The following CENPF variants were observed in gnomAD, a reference collection of about 807,000 sequenced individuals.
CENPF encodes the protein AH antigen.
In CENPF, 214 loss-of-function variants were observed where a neutral mutation model predicts 307.3. That is an observed-to-expected ratio of 0.70 (90% CI 0.62 to 0.78). The LOEUF (loss-of-function observed/expected upper bound fraction) is 0.78, where lower values mean the gene tolerates loss of function less well. Ranked by LOEUF, CENPF falls within the 30% of genes least tolerant of loss-of-function variation. CENPF has a pLI of 0.00. For synonymous variants in CENPF, 1,259 were observed against 1,270.6 expected (o/e 0.99, Z 0.19); for missense variants, 3,401 against 3,483.9 (o/e 0.98, Z 0.60).
intron 1 of CENPF, 186 bp downstream of exon 1, chr1:214,603,507 G>A (rs1487977639): frequency 6.6e-6 from 1 of 152,268 alleles, no homozygotes; most frequent in Admixed American, 6.5e-5. Context: ...AATCCGCCCC[G>A]GGATGTGGTT....
chr1:214,653,144 T>A, intron 16 of CENPF, 155 bp downstream of exon 16: 6 of 713,988 alleles, frequency 8.4e-6, no homozygotes, highest in East Asian at 2.8e-5. Context: ...GAGTTATCTT[T>A]AAAAAAAATC....
chr1:214,609,215 T>C (rs1008614621), intron 1 of CENPF, among the ~76,000 whole-genome samples: 4 of 152,328 alleles, frequency 2.6e-5, no homozygotes, highest in Admixed American at 2.6e-4. Flanking sequence ...AAGAATCCGC[T>C]TTGAATCTCT....
chr1:214,614,332 G>A (rs1252914893), intron 2 of CENPF, among the ~76,000 whole-genome samples: 1 of 152,016 alleles, frequency 6.6e-6, no homozygotes, highest in East Asian at 1.9e-4. Flanking sequence ...AAATGGTTGT[G>A]GCTTTCTTAG....
rs762275795 is a variant in CENPF, at chr1:214,645,406, A to G, written c.5836A>G (p.Ile1946Val). Residue 1946 changes from isoleucine to valine, a missense_variant, in exon 13 of 20, where the codon ATT (isoleucine) becomes GTT (valine). Transcript: ENST00000366955. ...AGACAATGAAAATAAGCAGAAGGTT[A>G]TTGTCTGCCTTGAAGAAGAACTCTC... ...EKDNENKQKV[I>V]VCLEEELSVV... 2 of 1,613,950 alleles carry G rather than the reference A, an allele frequency of 1.2e-6. No homozygotes were observed. Among genetic ancestry groups the G allele is most frequent in the South Asian group, 1.1e-5 (1 of 91,042 alleles).
chr1:214,604,532 A>T (rs899880444), intron 1 of CENPF, among the ~76,000 whole-genome samples: 1 of 152,202 alleles, frequency 6.6e-6, no homozygotes, highest in African/African-American at 2.4e-5. Flanking sequence ...ATGGAAAAGC[A>T]TTCAGCTTGC....
intron 1 of CENPF, among the ~76,000 whole-genome samples, chr1:214,611,873 C>G (rs1657209965): frequency 6.6e-6 from 1 of 152,164 alleles, no homozygotes; most frequent in South Asian, 2.1e-4. Context: ...ACTGAAGGAG[C>G]TTTTGGGCCA....
chr1:214,608,855 G>T, intron 1 of CENPF: 4 of 1,532,698 alleles, frequency 2.6e-6, no homozygotes, highest in Non-Finnish European at 3.5e-6. Flanking sequence ...GGCGCCGCCC[G>T]GGCCAGGCCC....
At chr1:214,633,045 A>G (rs1194941796) in intron 10 of CENPF, among the ~76,000 whole-genome samples, 1 of 152,130 alleles carries the variant, frequency 6.6e-6, no homozygotes, top group African/African-American at 2.4e-5. Context: ...AAACACGTGG[A>G]AAGTCATAGA....
At chr1:214,620,540 G>A (rs762903625) in intron 5 of CENPF, 115 bp from the exon 6 acceptor site, 182 of 990,650 alleles carry the variant, frequency 1.8e-4, no homozygotes, top group Non-Finnish European at 2.6e-4. Context: ...TTCTTTGTTG[G>A]TATGCAGTGC....
chr1:214,629,100 C>A lies in CENPF; in HGVS notation c.1123C>A (p.Arg375=). The change falls in exon 8 of 20, where the codon CGA becomes AGA. Residue 375 remains arginine, a synonymous_variant. Transcript: ENST00000366955. ...ATTGACGGAAGATTTGAGTTGTCAG[C>A]GACAAAATGCAGAAAGTGCCAGATG... The part of the protein sequence containing the change: ...KKLTEDLSCQ[R]QNAESARCSL... 1 of 1,609,044 alleles carries A rather than the reference C, an allele frequency of 6.2e-7. No homozygotes were observed. Among genetic ancestry groups the A allele is most frequent in the Non-Finnish European group, 8.5e-7 (1 of 1,177,606 alleles).
rs115870166 is a variant in CENPF at position 214,621,252 on chromosome 1, G to A, written c.865+306G>A. On this transcript the variant is annotated intron_variant, in intron 6 of 19. Transcript: ENST00000366955. Reference sequence around the variant, plus strand: ...GTTGGTTACAGTTTACACTCCCCATGCTTCTCATCTGGCTCCTTTTGTGAC... The same window carrying A: ...GTTGGTTACAGTTTACACTCCCCATACTTCTCATCTGGCTCCTTTTGTGAC... 0.03 allele frequency among the ~76,000 whole-genome samples: 4,641 copies of A among 152,280 alleles called. 105 individuals carry two copies. The highest frequency in any genetic ancestry group is 0.088 in the Middle Eastern group (26 of 294).
intron 1 of CENPF, among the ~76,000 whole-genome samples, chr1:214,612,547 A>G (rs969502522): frequency 1.3e-5 from 2 of 152,126 alleles, no homozygotes; most frequent in Non-Finnish European, 2.9e-5. Flanking sequence ...CAGACAAAGT[A>G]CCCTGTACAC....
rs760140051 is a variant in CENPF at position 214,663,724 on chromosome 1, G to A, written c.9275G>A (p.Arg3092Gln). Reference sequence around the variant, plus strand: ...CCCAGAGAGGGCCTGAGGGTCAAGCGAGGCCGACTTGTCCCCAGCCCCAAA... The same window carrying A: ...CCCAGAGAGGGCCTGAGGGTCAAGCAAGGCCGACTTGTCCCCAGCCCCAAA... ...DSPREGLRVK[R>Q]GRLVPSPKAG... is the part of the protein sequence containing the mutation. The change falls in exon 20 of 20, where the codon CGA becomes CAA. Residue 3092 changes from arginine to glutamine, a missense_variant. Transcript: ENST00000366955. 9 of 1,614,072 alleles carry A rather than the reference G, an allele frequency of 5.6e-6. No homozygotes were observed. Among genetic ancestry groups the A allele is most frequent in the South Asian group, 1.1e-5 (1 of 91,060 alleles).
intron 1 of CENPF, among the ~76,000 whole-genome samples, chr1:214,606,627 G>A (rs1484823219): frequency 6.6e-6 from 1 of 152,136 alleles, no homozygotes; most frequent in South Asian, 2.1e-4. Context: ...CCAATGAGAT[G>A]CCAGTGCAAC....
chr1:214,663,053 G>A (rs1439115619), intron 19 of CENPF, among the ~76,000 whole-genome samples: 2 of 152,164 alleles, frequency 1.3e-5, no homozygotes, highest in African/African-American at 4.8e-5. Flanking sequence ...TTTGAGAGGG[G>A]ATTTATTCTT....
intron 16 of CENPF, chr1:214,653,603 C>T (rs937446833): frequency 1.9e-5 from 3 of 154,290 alleles, no homozygotes; most frequent in African/African-American, 7.2e-5. Flanking sequence ...GATAAATACC[C>T]ACAGTGTATA....
chr1:214,645,212 A>G lies in CENPF; in HGVS notation c.5642A>G (p.Asp1881Gly). 1 of 1,614,032 alleles carries G rather than the reference A, an allele frequency of 6.2e-7. No individual in the cohort carries two copies. The highest frequency in any genetic ancestry group is 8.5e-7 in the Non-Finnish European group (1 of 1,180,004). The change falls in exon 13 of 20, where the codon GAT (aspartate) becomes GGT (glycine). Residue 1881 changes from aspartate (D) to glycine (G), a missense_variant. Asp to Gly is a moderately conservative substitution (Grantham distance 94, BLOSUM62 -1). Coordinates refer to ENST00000366955, the MANE Select transcript of CENPF (RefSeq NM_016343.4). ...CATGCAGATAAATCATCACGTGAAG[A>G]TATTGGAGATAATGTGGCCAAGGTG... is the stretch of plus-strand genomic sequence containing the variant. ...EMHADKSSRE[D>G]IGDNVAKVND... is the part of the protein sequence containing the mutation.
Position 214,651,847 on chromosome 1 carries a change from A to G in CENPF, c.8121A>G (p.Glu2707=), listed in dbSNP as rs1264179599. 1.2e-6 allele frequency: 2 copies of G among 1,610,570 alleles called. No homozygotes were observed. Among genetic ancestry groups the G allele is most frequent in the Non-Finnish European group, 1.7e-6 (2 of 1,179,168 alleles). The change falls in exon 15 of 20, where the codon GAA becomes GAG. Residue 2707 remains glutamate, a synonymous_variant. Transcript: ENST00000366955. ...AEYQLRLHEA[E]KKHQALLLDT... is the part of the protein sequence containing the mutation. ...ATCAGCTACGGCTTCATGAAGCTGA[A>G]AAGAAACACCAGGCTTTGCTTTTGG...
chr1:214,635,448 G>A (rs1657932012), intron 10 of CENPF, among the ~76,000 whole-genome samples: 1 of 152,178 alleles, frequency 6.6e-6, no homozygotes, highest in Admixed American at 6.5e-5. Context: ...TTCCAGCATA[G>A]TACCCAATTT....
Sources: gnomAD v4.1 joint callset for allele counts (sites outside exome capture counted in the v4.1 genomes callset) on GRCh38, gnomAD v4.1.1 for gene constraint, MANE v1.5 for transcripts, NCBI Gene and HGNC (gene_info 2026-07-23, HGNC 2026-07-21) for gene names.